SLAIN2: variants seen among roughly 807,000 people sequenced by gnomAD.
SLAIN2 encodes SLAIN family member 2, also known as SLAIN motif-containing protein 2.
In SLAIN2, 31 loss-of-function variants were observed where a neutral mutation model predicts 56.6. The observed-to-expected ratio is 0.55, with a 90% CI of 0.41 to 0.74. The LOEUF is 0.74. Ranked by LOEUF, SLAIN2 falls within the 30% of genes least tolerant of loss-of-function variation. SLAIN2 has a pLI of 0.00. For missense variants in SLAIN2, 777 were observed against 754.2 expected, an observed-to-expected ratio of 1.03 and a Z score of -0.35; for synonymous variants, 317 against 284.9, an observed-to-expected ratio of 1.11 and a Z score of -1.13.
Position 48,382,788 on chromosome 4 carries a change from A to T in SLAIN2, c.1083A>T (p.Ser361=). 1 of 1,613,652 alleles carries T rather than the reference A, an allele frequency of 6.2e-7. No individual in the cohort carries two copies. The change falls in exon 5 of 8, where the codon TCA becomes TCT. Residue 361 remains serine (S), a synonymous_variant. Transcript: ENST00000264313. Reference sequence around the variant, plus strand: ...CACCTAAGCAGTCACCCAGAAATTCACCTCGTTCACGATCTCCTGCTCGGG... The same window carrying T: ...CACCTAAGCAGTCACCCAGAAATTCTCCTCGTTCACGATCTCCTGCTCGGG... ...RPSPKQSPRN[S]PRSRSPARGI...
chr4:48,349,598 G>A (rs781446209), intron 1 of SLAIN2, among the ~76,000 whole-genome samples: 4 of 152,142 alleles, frequency 2.6e-5, no homozygotes, highest in Non-Finnish European at 5.9e-5. Flanking sequence ...AAACTTCTTT[G>A]TACTTTTTGT....
At chr4:48,397,810 C>G (rs1449121352) in intron 6 of SLAIN2, among the ~76,000 whole-genome samples, 1 of 152,172 alleles carries the variant, frequency 6.6e-6, no homozygotes, top group Non-Finnish European at 1.5e-5. Flanking sequence ...CCAACTCCAT[C>G]TATGTCCCTG....
At chr4:48,352,078 G>T (rs1230747776) in intron 1 of SLAIN2, among the ~76,000 whole-genome samples, 7 of 152,012 alleles carry the variant, frequency 4.6e-5, no homozygotes, top group Non-Finnish European at 1.5e-5. Flanking sequence ...TGAATGGCCT[G>T]TGAAATCTAG....
intron 6 of SLAIN2, among the ~76,000 whole-genome samples, chr4:48,414,789 A>G (rs1716956843): frequency 1.2e-5 from 1 of 82,408 alleles, no homozygotes; most frequent in African/African-American, 4.9e-5. Flanking sequence ...ATTCCCACCT[A>G]TGAGTGAGAA....
intron 1 of SLAIN2, among the ~76,000 whole-genome samples, chr4:48,352,801 T>C (rs1287049709): frequency 6.6e-6 from 1 of 152,214 alleles, no homozygotes; most frequent in Admixed American, 6.5e-5. Flanking sequence ...GTGCTTGATA[T>C]GGTTTGGCTG....
chr4:48,372,042 A>G (rs1715684199), intron 2 of SLAIN2, among the ~76,000 whole-genome samples: 1 of 133,110 alleles, frequency 7.5e-6, no homozygotes, highest in Non-Finnish European at 1.6e-5. Flanking sequence ...ATATACATAT[A>G]CATATATACA....
At chr4:48,390,726 A>G (rs1243996135) in intron 6 of SLAIN2, among the ~76,000 whole-genome samples, 1 of 152,200 alleles carries the variant, frequency 6.6e-6, no homozygotes, top group Non-Finnish European at 1.5e-5. Context: ...TTATATATTG[A>G]TCTGTCACAG....
chr4:48,407,883 T>A (rs1484681032), intron 6 of SLAIN2, among the ~76,000 whole-genome samples: 1 of 152,190 alleles, frequency 6.6e-6, no homozygotes, highest in African/African-American at 2.4e-5. Flanking sequence ...TGGCACCCAC[T>A]CATCTACCCT....
At chr4:48,344,953 A>G (rs1714823559) in intron 1 of SLAIN2, among the ~76,000 whole-genome samples, 1 of 152,232 alleles carries the variant, frequency 6.6e-6, no homozygotes, top group African/African-American at 2.4e-5. Flanking sequence ...ATAACTCAGA[A>G]AAGTTTAGGG....
chr4:48,422,263 A>G lies in SLAIN2; in HGVS notation c.*186A>G, dbSNP rs769874345. 809 of 549,556 alleles carry G rather than the reference A, an allele frequency of 1.5e-3. 1 individual carries two copies. The highest frequency in any genetic ancestry group is 3.2e-3 in the South Asian group (133 of 41,036). 34.0% of individuals were successfully genotyped at this position (549,556 alleles called of 1,614,324 possible). ...CAGCACTTTAATGACATTTAACATC[A>G]GATGTGTTTGGTAATCATACAATCA... On this transcript the variant is annotated 3_prime_UTR_variant, in exon 8 of 8. Coordinates refer to ENST00000264313, the MANE Select transcript of SLAIN2 (RefSeq NM_020846.2).
At chr4:48,364,500 G>A (rs370575363) in intron 1 of SLAIN2, among the ~76,000 whole-genome samples, 641 of 60,668 alleles carry the variant, frequency 0.011, 3 homozygotes, top group Admixed American at 0.017. Context: ...CTGCAATCTC[G>A]GCACTTTGGG....
intron 4 of SLAIN2, 96 bp from the exon 5 acceptor site, chr4:48,382,472 C>A: frequency 9.4e-6 from 12 of 1,283,308 alleles, no homozygotes; most frequent in Non-Finnish European, 1.1e-5. Flanking sequence ...TTTACACCCT[C>A]TTTGAATTTT....
At chr4:48,379,892 A>G in intron 4 of SLAIN2, 44 bp downstream of exon 4, 1 of 1,405,498 alleles carries the variant, frequency 7.1e-7, no homozygotes, top group Non-Finnish European at 9.3e-7. Context: ...TTACTATTGC[A>G]TAATTTTGTT....
In SLAIN2 at chr4:48,420,503, T is replaced by G. The variant is rs540876471; in HGVS notation, c.1679+60T>G. On this transcript the variant is annotated intron_variant, in intron 7 of 7. Coordinates refer to ENST00000264313, the MANE Select transcript of SLAIN2 (RefSeq NM_020846.2). Reference sequence around the variant, plus strand: ...GTGCCTGAAAGTGGATAGACTGGAATGAATTAGCTTCATCCGTATGTTTGA... The same window carrying G: ...GTGCCTGAAAGTGGATAGACTGGAAGGAATTAGCTTCATCCGTATGTTTGA... 2.6e-4 allele frequency: 397 copies of G among 1,555,350 alleles called. 3 individuals carry two copies. In the African/African-American group the frequency reaches 4.4e-3, roughly 17 times the overall value.
chr4:48,382,504 A>C (rs1280159750), intron 4 of SLAIN2, 64 bp from the exon 5 acceptor site: 1 of 1,374,490 alleles, frequency 7.3e-7, no homozygotes, highest in African/African-American at 1.5e-5. Context: ...CTTTTACTTT[A>C]AATTTTAAAA....
intron 6 of SLAIN2, among the ~76,000 whole-genome samples, chr4:48,409,476 C>CGATG (rs1309267751): frequency 2.6e-5 from 4 of 152,212 alleles, no homozygotes; most frequent in Non-Finnish European, 5.9e-5. Context: ...TGACACATAA[C>CGATG]TGTACTTTGT....
At chr4:48,374,415 T>A (rs1406666127) in intron 2 of SLAIN2, among the ~76,000 whole-genome samples, 1 of 152,014 alleles carries the variant, frequency 6.6e-6, no homozygotes, top group Admixed American at 6.5e-5. Flanking sequence ...TTTTTTTGTA[T>A]TTTTACTAGA....
At chr4:48,413,091 G>A (rs532127459) in intron 6 of SLAIN2, among the ~76,000 whole-genome samples, 470 of 152,074 alleles carry the variant, frequency 3.1e-3, no homozygotes, top group African/African-American at 0.01. Context: ...ATCCAGACCC[G>A]GTGACCTGCA....
At chr4:48,381,354 C>CT (rs201389533) in intron 4 of SLAIN2, among the ~76,000 whole-genome samples, 7,202 of 151,196 alleles carry the variant, frequency 0.048, 287 homozygotes, top group Non-Finnish European at 0.073. Context: ...AAAACTACAG[C>CT]TTTTTTTTTG....
Sources: gnomAD v4.1 joint callset for allele counts (sites outside exome capture counted in the v4.1 genomes callset) on GRCh38, gnomAD v4.1.1 for gene constraint, MANE v1.5 for transcripts, NCBI Gene and HGNC (gene_info 2026-07-23, HGNC 2026-07-21) for gene names.